Variants in CADM2 observed in about 807,000 individuals in gnomAD.
CADM2 encodes immunoglobulin superfamily member 4D.
Under a neutral mutation model 49.8 loss-of-function variants are expected in CADM2, and 12 were observed. The ratio of observed to expected loss-of-function variants is 0.24; its 90% CI spans 0.15 to 0.39. The LOEUF (loss-of-function observed/expected upper bound fraction) is 0.39. CADM2 is among the 10% of genes least tolerant of loss of function. The pLI is 1.00. For synonymous variants in CADM2, 214 were observed against 175.4 expected, an observed-to-expected ratio of 1.22 and a Z score of -1.74; for missense variants, 378 against 492.3, an observed-to-expected ratio of 0.77 and a Z score of 2.20.
At chr3:86,034,650 T>C (rs1341917393) in intron 8 of CADM2, among the ~76,000 whole-genome samples, 4 of 152,080 alleles carry the variant, frequency 2.6e-5, no homozygotes, top group Non-Finnish European at 5.9e-5. Context: ...AGAGGTAAAC[T>C]CTTAACTTTT....
At chr3:85,242,544 C>T (rs1441520455) in intron 1 of CADM2, among the ~76,000 whole-genome samples, 6 of 151,344 alleles carry the variant, frequency 4.0e-5, no homozygotes, top group Non-Finnish European at 7.4e-5. Flanking sequence ...AAATGTTGAC[C>T]AAATTTTTGA....
At chr3:85,308,756 C>T (rs1021971986) in intron 1 of CADM2, among the ~76,000 whole-genome samples, 26 of 151,968 alleles carry the variant, frequency 1.7e-4, no homozygotes, top group African/African-American at 5.3e-4. Flanking sequence ...CTTACATGCA[C>T]ACCTCTTAAT....
At chr3:85,724,654 T>A (rs888431098) in intron 1 of CADM2, among the ~76,000 whole-genome samples, 6 of 121,106 alleles carry the variant, frequency 5.0e-5, no homozygotes, top group Non-Finnish European at 9.3e-5. Context: ...TATAGTAAAA[T>A]CTTCTTCTGG....
intron 1 of CADM2, among the ~76,000 whole-genome samples, chr3:84,987,622 G>T (rs534479566): frequency 4.6e-5 from 7 of 152,222 alleles, no homozygotes; most frequent in African/African-American, 1.7e-4. Context: ...TAGGCCTTCA[G>T]TCAGTGGAGT....
intron 1 of CADM2, among the ~76,000 whole-genome samples, chr3:85,377,694 A>G (rs1162035838): frequency 6.6e-6 from 1 of 152,106 alleles, no homozygotes; most frequent in African/African-American, 2.4e-5. Context: ...ACTAATGAAC[A>G]TAAGGCACAT....
At chr3:85,154,421 A>T (rs2040035938) in intron 1 of CADM2, among the ~76,000 whole-genome samples, 1 of 152,198 alleles carries the variant, frequency 6.6e-6, no homozygotes, top group Non-Finnish European at 1.5e-5. Flanking sequence ...CAAAGCCTCC[A>T]AGAAATATGG....
At chr3:86,002,473 T>C (rs1434209684) in intron 8 of CADM2, among the ~76,000 whole-genome samples, 1 of 152,112 alleles carries the variant, frequency 6.6e-6, no homozygotes, top group East Asian at 1.9e-4. Flanking sequence ...TAGGGTGATA[T>C]AAAAGTCACC....
At position 85,955,372 on chromosome 3, in the gene CADM2, C is replaced by CTCTG. The variant is rs1424757620; in HGVS notation, c.792-6094_792-6091dup. On this transcript the variant is annotated intron_variant, in intron 7 of 9. Transcript: ENST00000383699. Reference sequence around the variant, plus strand: ...ATTTCAAATTTTGCATAGTGTTTAACTCTGTCCCTTTCCACACCAGGAAGA... The same window carrying CTCTG: ...ATTTCAAATTTTGCATAGTGTTTAACTCTGTCTGTCCCTTTCCACACCAGGAAGA... Among the ~76,000 whole-genome samples, 3 of 151,426 alleles carry CTCTG rather than the reference C, an allele frequency of 2.0e-5. No homozygotes were observed. The East Asian group carries it at 5.9e-4, about 30-fold the overall frequency.
At position 85,472,328 on chromosome 3, in the gene CADM2, T is replaced by C. The variant is rs1349125783; in HGVS notation, c.62-254194T>C. Among the ~76,000 whole-genome samples the C allele has an allele frequency of 6.6e-5, 10 of 152,084 alleles. 1 individual carries two copies. Among genetic ancestry groups the C allele is most frequent in the South Asian group, 2.1e-4 (1 of 4,826 alleles). On this transcript the variant is annotated intron_variant, in intron 1 of 9. Transcript: ENST00000383699. ...AAATATTTGAATTTTTGCCAAACTT[T>C]TAAAAAATTATTTTTACTTTCCTTG...
At chr3:85,020,744 CGG>C (rs1491316479) in intron 1 of CADM2, among the ~76,000 whole-genome samples, 3 of 111,118 alleles carry the variant, frequency 2.7e-5, no homozygotes, top group African/African-American at 1.1e-4. Flanking sequence ...TGTATGTGTA[CGG>C]TGTGTGTGTG....
In CADM2 at chr3:85,900,576, G is replaced by A. The variant is rs1444042670; in HGVS notation, c.530-11797G>A. 2.0e-5 allele frequency among the ~76,000 whole-genome samples: 3 copies of A among 152,192 alleles called. No homozygotes were observed. The East Asian group carries it at 5.8e-4, about 29-fold the overall frequency. On this transcript the variant is annotated intron_variant, in intron 5 of 9. Coordinates refer to ENST00000383699, the MANE Select transcript of CADM2 (RefSeq NM_001167675.2). ...GGCTTTTACTTAGTGTCAAGGAATT[G>A]ACCAAAGAAATTGCTTCTTTTTAAA... is the stretch of plus-strand genomic sequence containing the variant.
chr3:85,327,589 C>CACCACA (rs1553709186), intron 1 of CADM2, among the ~76,000 whole-genome samples: 3 of 115,278 alleles, frequency 2.6e-5, no homozygotes, highest in African/African-American at 8.9e-5. Flanking sequence ...CACACACACA[C>CACCACA]CACACACACA....
At chr3:85,548,828 A>G (rs1250131318) in intron 1 of CADM2, among the ~76,000 whole-genome samples, 1 of 152,224 alleles carries the variant, frequency 6.6e-6, no homozygotes, top group East Asian at 1.9e-4. Flanking sequence ...TCCAAATGTG[A>G]ACACGAAGGA....
intron 8 of CADM2, among the ~76,000 whole-genome samples, chr3:85,962,138 C>T (rs79727846): frequency 6.6e-6 from 1 of 151,934 alleles, no homozygotes; most frequent in African/African-American, 2.4e-5. Context: ...AGGCTTACCT[C>T]GAACTCCTGG....
intron 8 of CADM2, among the ~76,000 whole-genome samples, chr3:85,965,370 A>G (rs535855072): frequency 6.6e-5 from 10 of 150,652 alleles, no homozygotes; most frequent in African/African-American, 2.4e-4. Flanking sequence ...TGTAAATGGA[A>G]TTACTCAGCA....
In CADM2 at chr3:85,838,816, T is replaced by C. The variant is rs183017524; in HGVS notation, c.238+36620T>C. ...CAATAATAGAATGGGGAGGGAATTA[T>C]GAAAGTAACTAAAATGACTTGGATG... On this transcript the variant is annotated intron_variant, in intron 3 of 9. Transcript: ENST00000383699. 2.1e-3 allele frequency among the ~76,000 whole-genome samples: 314 copies of C among 151,946 alleles called. 1 individual carries two copies. The highest frequency in any genetic ancestry group is 4.1e-3 in the Non-Finnish European group (275 of 67,870).
At chr3:85,023,448 G>GT (rs576237725) in intron 1 of CADM2, among the ~76,000 whole-genome samples, 137 of 151,816 alleles carry the variant, frequency 9.0e-4, no homozygotes, top group Middle Eastern at 3.4e-3. Flanking sequence ...CCAATTTTAT[G>GT]TTTTTTTCTG....
At chr3:85,380,425 T>TA (rs1165551051) in intron 1 of CADM2, among the ~76,000 whole-genome samples, 1 of 151,990 alleles carries the variant, frequency 6.6e-6, no homozygotes, top group East Asian at 1.9e-4. Flanking sequence ...AACACAATCT[T>TA]AGAGTGTAGA....
chr3:85,242,067 T>C lies in CADM2; in HGVS notation c.61+282399T>C, dbSNP rs576260447. 1.9e-3 allele frequency among the ~76,000 whole-genome samples: 289 copies of C among 148,620 alleles called. 1 individual carries two copies. Among genetic ancestry groups the C allele is most frequent in the African/African-American group, 6.4e-3 (261 of 40,652 alleles). On this transcript the variant is annotated intron_variant, in intron 1 of 9. Transcript: ENST00000383699. ...GAAATCAGAGGTTTGATTCTGTTGT[T>C]TTTTTTTTTATATATATAAGATTTG...
Sources: allele counts gnomAD v4.1 joint callset (sites outside exome capture counted in the v4.1 genomes callset), GRCh38; gene constraint gnomAD v4.1.1; transcripts MANE v1.5; gene names NCBI Gene and HGNC (gene_info 2026-07-23, HGNC 2026-07-21).